NPHP1: variants seen among roughly 807,000 people sequenced by gnomAD.
NPHP1 encodes the protein nephrocystin 1.
A neutral mutation model predicts 90.4 loss-of-function variants in NPHP1; 70 were observed. The ratio of observed to expected loss-of-function variants is 0.77; its 90% confidence interval spans 0.64 to 0.95. The LOEUF (loss-of-function observed/expected upper bound fraction) is 0.95. NPHP1 is among the 40% of genes least tolerant of loss of function. The pLI is 0.00. For synonymous variants in NPHP1, 256 were observed against 271.7 expected (o/e 0.94, Z 0.57); for missense variants, 764 against 795.9 (o/e 0.96, Z 0.48).
At chr2:110,151,104 T>C (rs2104509296) in intron 11 of NPHP1, among the ~76,000 whole-genome samples, 1 of 145,634 alleles carries the variant, frequency 6.9e-6, no homozygotes, top group African/African-American at 2.5e-5. Context: ...AGACAGAGGT[T>C]GCAGTGAGCT....
At chr2:110,133,844 C>T (rs999605447) in intron 16 of NPHP1, among the ~76,000 whole-genome samples, 2 of 151,700 alleles carry the variant, frequency 1.3e-5, no homozygotes, top group African/African-American at 4.8e-5. Context: ...AATGAAAACA[C>T]AACATACCAA....
intron 11 of NPHP1, among the ~76,000 whole-genome samples, chr2:110,157,981 A>G (rs1036629014): frequency 1.3e-5 from 2 of 152,168 alleles, no homozygotes; most frequent in Non-Finnish European, 1.5e-5. Context: ...AACATTCCAC[A>G]AATTATGATA....
intron 6 of NPHP1, among the ~76,000 whole-genome samples, chr2:110,167,786 G>A (rs1682821072): frequency 6.6e-6 from 1 of 152,100 alleles, no homozygotes; most frequent in Admixed American, 6.5e-5. Context: ...TTAACCTGTG[G>A]GGGTCTGTGC....
chr2:110,176,859 T>A (rs1479178033), intron 4 of NPHP1, among the ~76,000 whole-genome samples: 2 of 152,184 alleles, frequency 1.3e-5, no homozygotes, highest in East Asian at 1.9e-4. Context: ...AAGCTCTTAG[T>A]CTCCCAGCAG....
chr2:110,146,419 C>G (rs957001871), intron 14 of NPHP1, among the ~76,000 whole-genome samples: 1 of 152,140 alleles, frequency 6.6e-6, no homozygotes. Flanking sequence ...GGACTCTGGA[C>G]TTAACTTTCC....
chr2:110,192,173 T>G lies in NPHP1; in HGVS notation c.143+9248A>C, dbSNP rs192094894. 8.3e-4 allele frequency among the ~76,000 whole-genome samples: 127 copies of G among 152,154 alleles called. 1 individual carries two copies. The East Asian group carries it at 0.014, about 17-fold the overall frequency. ...CTGGACGGAGAATGACTTTCATGAGTTGAGAGAAGAAGGCTTCAGATGATC... is the reference window on the plus strand; with the variant it reads ...CTGGACGGAGAATGACTTTCATGAGGTGAGAGAAGAAGGCTTCAGATGATC... On this transcript the variant is annotated intron_variant, in intron 2 of 19. Coordinates refer to ENST00000445609, the MANE Select transcript of NPHP1 (RefSeq NM_001128178.3).
chr2:110,174,720 T>C (rs1221813637), intron 4 of NPHP1, among the ~76,000 whole-genome samples: 1 of 152,054 alleles, frequency 6.6e-6, no homozygotes, highest in African/African-American at 2.4e-5. Context: ...CAACTGAAGC[T>C]GAACATGGTG....
At chr2:110,166,977 C>T (rs536048500) in intron 6 of NPHP1, among the ~76,000 whole-genome samples, 1 of 152,020 alleles carries the variant, frequency 6.6e-6, no homozygotes, top group Non-Finnish European at 1.5e-5. Context: ...GGATTTTGAA[C>T]TTAATGTTAA....
intron 1 of NPHP1, among the ~76,000 whole-genome samples, chr2:110,201,790 T>C (rs1048176728): frequency 6.6e-6 from 1 of 152,180 alleles, no homozygotes; most frequent in Non-Finnish European, 1.5e-5. Context: ...CAATAGTTGA[T>C]GTAAAATATG....
chr2:110,170,888 T>C (rs1229254011), intron 4 of NPHP1, among the ~76,000 whole-genome samples: 1 of 152,016 alleles, frequency 6.6e-6, no homozygotes. Context: ...TCATGAATGG[T>C]AGGGCAAGGC....
At chr2:110,190,102 T>C (rs1210484127) in intron 2 of NPHP1, among the ~76,000 whole-genome samples, 1 of 152,200 alleles carries the variant, frequency 6.6e-6, no homozygotes, top group Non-Finnish European at 1.5e-5. Flanking sequence ...TTGGTGTATT[T>C]ACAATCCCTT....
chr2:110,178,252 C>G, intron 4 of NPHP1, 171 bp downstream of exon 4: 1 of 654,132 alleles, frequency 1.5e-6, no homozygotes, highest in Non-Finnish European at 2.6e-6. Flanking sequence ...TTCTTTCCAT[C>G]TCTCATGGGA....
chr2:110,197,419 C>A (rs1353807133), intron 2 of NPHP1, among the ~76,000 whole-genome samples: 1 of 152,108 alleles, frequency 6.6e-6, no homozygotes. Context: ...CCCCAAAAGC[C>A]CCTTTCCCAC....
rs1445650111 is a variant in NPHP1 at position 110,124,006 on chromosome 2, G to T, written c.1819C>A (p.Pro607Thr). 1 of 1,613,940 alleles carries T rather than the reference G, an allele frequency of 6.2e-7. No individual in the cohort carries two copies. The highest frequency in any genetic ancestry group is 2.2e-5 in the East Asian group (1 of 44,892). Residue 607 changes from proline (P) to threonine (T), a missense_variant, in exon 20 of 20, where the codon CCA (proline) becomes ACA (threonine). Transcript: ENST00000445609. ...GGTAGGCGTGTGGAGTGGAGAAGTGGGAGCACGCAGTCATGGTAAACCAGG... is the reference window on the plus strand; with the variant it reads ...GGTAGGCGTGTGGAGTGGAGAAGTGTGAGCACGCAGTCATGGTAAACCAGG... The part of the protein sequence containing the change: ...FLLVYHDCVL[P>T]LLHSTRLPPF...
intron 16 of NPHP1, among the ~76,000 whole-genome samples, chr2:110,138,472 ACTGT>A (rs1223833969): frequency 6.6e-6 from 1 of 152,108 alleles, no homozygotes; most frequent in African/African-American, 2.4e-5. Flanking sequence ...TCTTTTTTAA[ACTGT>A]CTTTTTTCAA....
At chr2:110,202,095 G>A (rs996171260) in intron 1 of NPHP1, among the ~76,000 whole-genome samples, 1 of 152,098 alleles carries the variant, frequency 6.6e-6, no homozygotes, top group African/African-American at 2.4e-5. Flanking sequence ...CTTCCATATT[G>A]TTGTGTGTAC....
At chr2:110,171,824 A>G (rs1159676318) in intron 4 of NPHP1, among the ~76,000 whole-genome samples, 3 of 152,114 alleles carry the variant, frequency 2.0e-5, no homozygotes, top group African/African-American at 4.8e-5. Flanking sequence ...ACTTGCTAAT[A>G]TTTTATACTG....
chr2:110,181,719 G>T (rs1158762977), intron 2 of NPHP1, among the ~76,000 whole-genome samples: 2 of 152,176 alleles, frequency 1.3e-5, no homozygotes, highest in Non-Finnish European at 2.9e-5. Flanking sequence ...CAAAAAGCCA[G>T]AGTGCCTCTT....
At chr2:110,160,992 C>T (rs905542196) in intron 10 of NPHP1, among the ~76,000 whole-genome samples, 2 of 151,954 alleles carry the variant, frequency 1.3e-5, no homozygotes, top group African/African-American at 2.4e-5. Flanking sequence ...GTGGCAAAAC[C>T]CCATCTTTAC....
Sources: allele counts gnomAD v4.1 joint callset (sites outside exome capture counted in the v4.1 genomes callset), GRCh38; gene constraint gnomAD v4.1.1; transcripts MANE v1.5; gene names NCBI Gene and HGNC (gene_info 2026-07-23, HGNC 2026-07-21).